The following MINAR1 variants were observed in gnomAD, a reference collection of about 807,000 sequenced individuals.
MINAR1 encodes the protein membrane integral NOTCH2 associated receptor 1, also known as major intrinsically disordered Notch2-binding receptor 1.
MINAR1 carries 40 observed loss-of-function variants against 65.1 expected under a neutral mutation model. That is an observed-to-expected ratio of 0.61 (90% CI 0.48 to 0.80). The LOEUF (loss-of-function observed/expected upper bound fraction) is 0.80, where lower values mean the gene tolerates loss of function less well. Among genes scored for constraint, MINAR1 ranks in the 30% least tolerant of loss-of-function variants. The pLI is 0.00. For synonymous variants in MINAR1, 482 were observed against 449.1 expected, an observed-to-expected ratio of 1.07 and a Z score of -0.93; for missense variants, 1,128 against 1,148.0, an observed-to-expected ratio of 0.98 and a Z score of 0.25.
intron 1 of MINAR1, among the ~76,000 whole-genome samples, chr15:79,439,283 A>G (rs574516526): frequency 1.0e-3 from 14 of 13,814 alleles, no homozygotes; most frequent in South Asian, 2.9e-3. Context: ...TGGGGTGGAT[A>G]GTGAGTGGGT....
chr15:79,459,026 A>AG, intron 2 of MINAR1, among the ~76,000 whole-genome samples: 1 of 152,124 alleles, frequency 6.6e-6, no homozygotes, highest in Non-Finnish European at 1.5e-5. Flanking sequence ...AAAATGTAAA[A>AG]AAAATTAGCC....
At chr15:79,449,126 G>T (rs1895109407) in intron 1 of MINAR1, among the ~76,000 whole-genome samples, 1 of 152,174 alleles carries the variant, frequency 6.6e-6, no homozygotes, top group Admixed American at 6.5e-5. Flanking sequence ...AATACCTATG[G>T]GTTAGGAATT....
In MINAR1 at chr15:79,457,474, C is replaced by T. The variant is rs755865839; in HGVS notation, c.1327C>T (p.Pro443Ser). ...GCTCAAATCTAAAGAGATCTCATCC[C>T]CTGTTGACCTGGAGAAGCATGAACC... ...NGLKSKEISS[P>S]VDLEKHEPVK... The change falls in exon 2 of 4, where the codon CCT becomes TCT. Residue 443 changes from proline to serine, a missense_variant. Physicochemically the swap from Pro to Ser is moderately conservative, Grantham distance 74. Coordinates refer to ENST00000305428, the MANE Select transcript of MINAR1 (RefSeq NM_015206.3). 1.2e-6 allele frequency: 2 copies of T among 1,614,174 alleles called. No individual in the cohort carries two copies. The highest frequency in any genetic ancestry group is 2.2e-5 in the South Asian group (2 of 91,080).
At chr15:79,444,771 T>TA (rs34673288) in intron 1 of MINAR1, among the ~76,000 whole-genome samples, 30,236 of 148,264 alleles carry the variant, frequency 0.2, 3,676 homozygotes, top group South Asian at 0.44. Flanking sequence ...TACCTTATTG[T>TA]AAAAAAAAAA....
chr15:79,455,489 A>G (rs539211973), intron 1 of MINAR1, among the ~76,000 whole-genome samples: 14 of 152,322 alleles, frequency 9.2e-5, no homozygotes, highest in Admixed American at 8.5e-4. Flanking sequence ...AACCACCACC[A>G]CAACCAGGAT....
intron 1 of MINAR1, among the ~76,000 whole-genome samples, chr15:79,453,027 C>A (rs1595943479): frequency 6.7e-6 from 1 of 149,008 alleles, no homozygotes; most frequent in Non-Finnish European, 1.5e-5. Context: ...TGCTCAGCCC[C>A]CAGAGATTCC....
the MINAR1 span, chr15:79,414,086 A>C: frequency 6.6e-6 from 1 of 152,198 alleles, no homozygotes; most frequent in African/African-American, 2.4e-5. Context: ...CCATTCCCTG[A>C]ATGTTAATGA....
At chr15:79,437,522 T>C (rs538694613) in intron 1 of MINAR1, among the ~76,000 whole-genome samples, 1 of 142,154 alleles carries the variant, frequency 7.0e-6, no homozygotes, top group African/African-American at 2.7e-5. Context: ...GGTAGAGGTG[T>C]GGATAGGTAA....
chr15:79,468,419 AC>A lies in MINAR1; in HGVS notation c.*37del, dbSNP rs745907405. The stretch of plus-strand genomic sequence containing the variant: ...GCAACCTTACGTACAGCTTATGACT[AC>A]CAATGTCGTCGTCTGTATCTTAGAA... On this transcript the variant is annotated 3_prime_UTR_variant, in exon 4 of 4. Transcript: ENST00000305428. The A allele has an allele frequency of 6.3e-7, 1 of 1,577,760 alleles. No homozygotes were observed.
chr15:79,465,873 A>T (rs528316715), intron 3 of MINAR1, among the ~76,000 whole-genome samples: 5 of 152,092 alleles, frequency 3.3e-5, no homozygotes, highest in African/African-American at 1.2e-4. Context: ...AAACTGCTGA[A>T]GGGTGTTCAT....
chr15:79,421,132 TA>T, the MINAR1 span: 3 of 152,102 alleles, frequency 2.0e-5, no homozygotes, highest in Admixed American at 1.3e-4. Flanking sequence ...AGTAATGCAG[TA>T]AAAAAATTAC....
rs1231784042 is a variant in MINAR1, at chr15:79,456,675, CT to C, written c.530del (p.Phe177SerfsTer9). 1.9e-6 allele frequency: 3 copies of C among 1,614,214 alleles called. No individual in the cohort carries two copies. In the South Asian group the frequency reaches 3.3e-5, roughly 18 times the overall value. On this transcript the variant is annotated frameshift_variant, in exon 2 of 4. Transcript: ENST00000305428. LOFTEE classifies it high-confidence loss of function. ...AGTTTGTCCCTGCCTCTGAGCCTAA[CT>C]TCCTGTTGGGAGTTAGCAAAGAGGT... is the stretch of plus-strand genomic sequence containing the variant. ...PQFVPASEPNFLLGVSKEVKN... is the reference protein window; with the variant it reads ...PQFVPASEPNXLLGVSKEVKN...
intron 2 of MINAR1, among the ~76,000 whole-genome samples, chr15:79,459,003 C>T (rs1039795397): frequency 1.3e-5 from 2 of 151,740 alleles, no homozygotes; most frequent in Non-Finnish European, 2.9e-5. Context: ...ATGTTGAAAC[C>T]CCATCTCTAC....
In MINAR1 at chr15:79,458,064, G is replaced by A. The variant is rs777822191; in HGVS notation, c.1917G>A (p.Lys639=). 6.2e-7 allele frequency: 1 copy of A among 1,614,148 alleles called. No individual in the cohort carries two copies. Among genetic ancestry groups the A allele is most frequent in the Admixed American group, 1.7e-5 (1 of 60,026 alleles). The part of the protein sequence containing the change: ...KLDQKMQQPE[K]VSVQIDLNSL... ...ACCAGAAAATGCAACAGCCTGAGAA[G>A]GTGAGTGTGCAGATAGATCTGAACT... Residue 639 remains lysine, a synonymous_variant, in exon 2 of 4, where the codon AAG becomes AAA. Coordinates refer to ENST00000305428, the MANE Select transcript of MINAR1 (RefSeq NM_015206.3).
upstream of MINAR1, among the ~76,000 whole-genome samples, chr15:79,429,268 T>C (rs1894386782): frequency 6.6e-6 from 1 of 152,242 alleles, no homozygotes; most frequent in African/African-American, 2.4e-5. Flanking sequence ...TCCTGTAAGA[T>C]GGAAACCGTC....
At position 79,463,214 on chromosome 15, in the gene MINAR1, C is replaced by T. The variant is rs745703589; in HGVS notation, c.2446C>T (p.Arg816Trp). The T allele has an allele frequency of 1.5e-5, 24 of 1,614,222 alleles. No individual in the cohort carries two copies. Among genetic ancestry groups the T allele is most frequent in the East Asian group, 6.7e-5 (3 of 44,880 alleles). ...GAGCAACCCCCTGTACACAGACATGCGGCTGACCGAGTTGGCCGAGGTGAA... is the reference window on the plus strand; with the variant it reads ...GAGCAACCCCCTGTACACAGACATGTGGCTGACCGAGTTGGCCGAGGTGAA... ...MKSNPLYTDM[R>W]LTELAEVKRG... Residue 816 changes from arginine (R) to tryptophan (W), a missense_variant, in exon 3 of 4, where the codon CGG becomes TGG. Arg to Trp is a moderately radical substitution (Grantham distance 101). Coordinates refer to ENST00000305428, the MANE Select transcript of MINAR1 (RefSeq NM_015206.3).
intron 1 of MINAR1, among the ~76,000 whole-genome samples, chr15:79,437,772 G>A (rs1894662076): frequency 1.1e-5 from 1 of 94,582 alleles, no homozygotes; most frequent in Admixed American, 1.1e-4. Context: ...GGGTGTGAGT[G>A]GGGTGGGTAG....
At chr15:79,432,943 G>A (rs1201205343) in intron 1 of MINAR1, among the ~76,000 whole-genome samples, 1 of 152,242 alleles carries the variant, frequency 6.6e-6, no homozygotes, top group Non-Finnish European at 1.5e-5. Context: ...CATCAGAGGC[G>A]CGAAGTAAGA....
Position 79,456,511 on chromosome 15 carries a change from T to G in MINAR1, c.364T>G (p.Cys122Gly). The stretch of plus-strand genomic sequence containing the variant: ...CAAGAAGGAGGCATCCTTTGAATCA[T>G]GTAGGTCGGACACAGAGATCTGCAA... ...VRKKEASFES[C>G]RSDTEICNAA... Residue 122 changes from cysteine (C) to glycine (G), a missense_variant, in exon 2 of 4, where the codon TGT becomes GGT. Transcript: ENST00000305428. 6.2e-7 allele frequency: 1 copy of G among 1,614,044 alleles called. No individual in the cohort carries two copies. The highest frequency in any genetic ancestry group is 8.5e-7 in the Non-Finnish European group (1 of 1,180,026).
Sources: gnomAD v4.1 joint callset for allele counts (sites outside exome capture counted in the v4.1 genomes callset) on GRCh38, gnomAD v4.1.1 for gene constraint, MANE v1.5 for transcripts, NCBI Gene and HGNC (gene_info 2026-07-23, HGNC 2026-07-21) for gene names.